Variants in NSD3 observed in about 807,000 individuals in gnomAD.
NSD3 encodes histone-lysine N-methyltransferase NSD3.
Under a neutral mutation model 160.8 loss-of-function variants are expected in NSD3, and 24 were observed. That is an observed-to-expected ratio of 0.15 (90% CI 0.11 to 0.21). The LOEUF (loss-of-function observed/expected upper bound fraction) is 0.21. Among genes scored for constraint, NSD3 ranks in the 10% least tolerant of loss-of-function variants. The pLI, the probability that NSD3 is intolerant of heterozygous loss-of-function variation, is 1.00. For missense variants in NSD3, 1,157 were observed against 1,735.9 expected (o/e 0.67, Z 5.93); for synonymous variants, 520 against 600.0 (o/e 0.87, Z 1.95).
chr8:38,378,914 G>GTGAGGACACATAGCACA (rs1451117749), intron 1 of NSD3, among the ~76,000 whole-genome samples: 4 of 151,974 alleles, frequency 2.6e-5, no homozygotes, highest in African/African-American at 9.7e-5. Context: ...GCATAGCACA[G>GTGAGGACACATAGCACA]TGTGAGGACA....
At chr8:38,324,902 G>T (rs984074266) in intron 7 of NSD3, among the ~76,000 whole-genome samples, 2 of 152,264 alleles carry the variant, frequency 1.3e-5, no homozygotes, top group Non-Finnish European at 2.9e-5. Context: ...GAAGGTGCCT[G>T]TAGGGTGGCA....
intron 16 of NSD3, among the ~76,000 whole-genome samples, chr8:38,292,503 C>T (rs1180581314): frequency 1.3e-5 from 2 of 151,516 alleles, no homozygotes; most frequent in Non-Finnish European, 2.9e-5. Flanking sequence ...AAAGATTAGG[C>T]CAGGCACGGT....
intron 11 of NSD3, 33 bp from the exon 12 acceptor site, chr8:38,314,806 C>T (rs748395176): frequency 1.9e-5 from 30 of 1,603,608 alleles, no homozygotes; most frequent in Admixed American, 3.4e-5. Flanking sequence ...GGTTCTCAAA[C>T]TTTGGCAAAC....
chr8:38,334,314 T>C (rs935575306), intron 4 of NSD3, among the ~76,000 whole-genome samples: 4 of 152,212 alleles, frequency 2.6e-5, no homozygotes, highest in Admixed American at 1.3e-4. Flanking sequence ...AAGTAGTTAC[T>C]GGCTGCTTAG....
At chr8:38,291,944 G>A (rs534223207) in intron 16 of NSD3, among the ~76,000 whole-genome samples, 2 of 152,252 alleles carry the variant, frequency 1.3e-5, no homozygotes, top group South Asian at 4.1e-4. Context: ...AAACATACAA[G>A]AAGAATCTGA....
At chr8:38,296,748 T>A (rs978861041) in intron 15 of NSD3, among the ~76,000 whole-genome samples, 1 of 151,568 alleles carries the variant, frequency 6.6e-6, no homozygotes, top group African/African-American at 2.4e-5. Flanking sequence ...TATATACATA[T>A]ACAGAGAATA....
At chr8:38,287,016 C>T (rs866103407) in intron 19 of NSD3, among the ~76,000 whole-genome samples, 13 of 152,202 alleles carry the variant, frequency 8.5e-5, no homozygotes, top group African/African-American at 2.7e-4. Context: ...TCAAGCAGAT[C>T]CACTAAGGTA....
chr8:38,306,882 A>G (rs1809409349), intron 12 of NSD3, among the ~76,000 whole-genome samples: 1 of 152,300 alleles, frequency 6.6e-6, no homozygotes, highest in East Asian at 1.9e-4. Context: ...TGGGAGGCCA[A>G]GGCGGGTGGA....
chr8:38,325,384 A>T (rs1440544265), intron 7 of NSD3, among the ~76,000 whole-genome samples: 1 of 152,234 alleles, frequency 6.6e-6, no homozygotes. Flanking sequence ...ATTTTTAAAG[A>T]ACAAAATGAA....
chr8:38,366,419 T>C (rs1467431169), intron 1 of NSD3, among the ~76,000 whole-genome samples: 1 of 75,818 alleles, frequency 1.3e-5, no homozygotes, highest in East Asian at 1.1e-3. Context: ...TACTTAATTC[T>C]TTTTTTTTTT....
At chr8:38,357,209 AAATT>A (rs1810847296) in intron 1 of NSD3, among the ~76,000 whole-genome samples, 2 of 151,868 alleles carry the variant, frequency 1.3e-5, no homozygotes, top group African/African-American at 4.8e-5. Context: ...GATGTCATAT[AAATT>A]GTCTATTTCT....
chr8:38,281,592 A>G lies in NSD3; in HGVS notation c.3502-9T>C. On this transcript the variant is annotated splice_polypyrimidine_tract_variant and intron_variant, in intron 19 of 23. Transcript: ENST00000317025. Reference sequence around the variant, plus strand: ...TCATTTACAAATTCACCCTGGAGATAAATGTGCAATATGTAACTTAAAATC... The same window carrying G: ...TCATTTACAAATTCACCCTGGAGATGAATGTGCAATATGTAACTTAAAATC... 2 of 1,570,796 alleles carry G rather than the reference A, an allele frequency of 1.3e-6. No homozygotes were observed. Among genetic ancestry groups the G allele is most frequent in the Non-Finnish European group, 1.7e-6 (2 of 1,149,452 alleles).
At chr8:38,344,933 AG>A (rs991299840) in intron 2 of NSD3, among the ~76,000 whole-genome samples, 7 of 152,188 alleles carry the variant, frequency 4.6e-5, no homozygotes, top group African/African-American at 1.7e-4. Context: ...ACTGTCCTGA[AG>A]GAAGCACTGT....
At position 38,319,205 on chromosome 8, in the gene NSD3, T is replaced by C. The variant is rs1209103191; in HGVS notation, c.1810-265A>G. 8.0e-6 allele frequency: 3 copies of C among 373,288 alleles called. No homozygotes were observed. Among genetic ancestry groups the C allele is most frequent in the Admixed American group, 4.7e-5 (1 of 21,122 alleles). 23.1% of individuals were successfully genotyped at this position (373,288 alleles called of 1,614,324 possible). On this transcript the variant is annotated intron_variant, in intron 8 of 23. Coordinates refer to ENST00000317025, the MANE Select transcript of NSD3 (RefSeq NM_023034.2). The surrounding 1 kb of genome is among the most constrained non-coding windows in gnomAD (Gnocchi z 4.1). Reference sequence around the variant, plus strand: ...CTTTTCCCACCATTCCCTTGGTATATGAAGAGAACAAGAATACTTTCCTCA... The same window carrying C: ...CTTTTCCCACCATTCCCTTGGTATACGAAGAGAACAAGAATACTTTCCTCA...
chr8:38,289,334 A>G, intron 18 of NSD3, 59 bp downstream of exon 18: 2 of 1,447,524 alleles, frequency 1.4e-6, no homozygotes, highest in South Asian at 2.5e-5. Context: ...CTTTCATAGT[A>G]AAGACTTACT....
At chr8:38,342,330 T>C (rs1259485027) in intron 2 of NSD3, among the ~76,000 whole-genome samples, 2 of 152,198 alleles carry the variant, frequency 1.3e-5, no homozygotes, top group Non-Finnish European at 2.9e-5. Flanking sequence ...GGGACAGAGA[T>C]ACCCTCTTTG....
chr8:38,358,392 G>T (rs1018777242), intron 1 of NSD3, among the ~76,000 whole-genome samples: 1 of 152,088 alleles, frequency 6.6e-6, no homozygotes, highest in Non-Finnish European at 1.5e-5. Context: ...ATGAACTGTT[G>T]CAAGGAATAT....
intron 1 of NSD3, among the ~76,000 whole-genome samples, chr8:38,368,077 T>G (rs1401651103): frequency 6.6e-6 from 1 of 152,154 alleles, no homozygotes; most frequent in Non-Finnish European, 1.5e-5. Context: ...CCTCCAGGGT[T>G]CAAGTGATTC....
At chr8:38,295,165 T>C (rs1256788511) in intron 16 of NSD3, among the ~76,000 whole-genome samples, 1 of 141,150 alleles carries the variant, frequency 7.1e-6, no homozygotes, top group Admixed American at 7.1e-5. Flanking sequence ...AAAAAAAAAG[T>C]TTTTTTTGGA....
Sources: allele counts gnomAD v4.1 joint callset (sites outside exome capture counted in the v4.1 genomes callset), GRCh38; gene constraint gnomAD v4.1.1; non-coding constraint Gnocchi (gnomAD v3.1); transcripts MANE v1.5; gene names NCBI Gene and HGNC (gene_info 2026-07-23, HGNC 2026-07-21).